Variants in NADK2 observed in about 807,000 individuals in gnomAD.
NADK2 encodes NAD kinase domain-containing protein 1, mitochondrial.
A neutral mutation model predicts 62.1 loss-of-function variants in NADK2; 35 were observed. The observed-to-expected ratio is 0.56, with a 90% confidence interval of 0.43 to 0.75. NADK2 has a LOEUF of 0.75. Among genes scored for constraint, NADK2 ranks in the 30% least tolerant of loss-of-function variants. The pLI is 0.00. For missense variants in NADK2, 439 were observed against 561.3 expected, an observed-to-expected ratio of 0.78 and a Z score of 2.20; for synonymous variants, 205 against 207.9, an observed-to-expected ratio of 0.99 and a Z score of 0.12.
chr5:36,215,960 T>A (rs1427601736), intron 6 of NADK2, among the ~76,000 whole-genome samples: 2 of 152,214 alleles, frequency 1.3e-5, no homozygotes, highest in Non-Finnish European at 2.9e-5. Flanking sequence ...TAGCCAGTAG[T>A]GGGATTGCTA....
chr5:36,237,245 A>C (rs1300278556), intron 1 of NADK2, among the ~76,000 whole-genome samples: 1 of 152,332 alleles, frequency 6.6e-6, no homozygotes, highest in Middle Eastern at 3.4e-3. Flanking sequence ...TAATAGCAGA[A>C]GATAAATTAG....
At chr5:36,206,529 C>T (rs1402184213) in intron 8 of NADK2, among the ~76,000 whole-genome samples, 1 of 151,732 alleles carries the variant, frequency 6.6e-6, no homozygotes, top group Non-Finnish European at 1.5e-5. Flanking sequence ...AAAAAAAATG[C>T]TTTTTTTCTC....
rs749987631 is a variant in NADK2, at chr5:36,211,901, T to C, written c.803A>G (p.Gln268Arg). The C allele has an allele frequency of 3.7e-6, 6 of 1,613,636 alleles. No individual in the cohort carries two copies. The highest frequency in any genetic ancestry group is 2.2e-5 in the South Asian group (2 of 91,050). Residue 268 changes from glutamine to arginine, a missense_variant, in exon 7 of 12, where the codon CAA becomes CGA. Coordinates refer to ENST00000381937, the MANE Select transcript of NADK2 (RefSeq NM_001085411.3). ...HDERSEASGP[Q>R]LLPVRALNEV... is the part of the protein sequence containing the mutation. The stretch of plus-strand genomic sequence containing the variant: ...ATTTAGTGCTCTCACTGGCAGAAGT[T>C]GGGGTCCTGAAGCCTCAGACCCTGC...
chr5:36,196,009 C>A (rs1224082489), intron 11 of NADK2, among the ~76,000 whole-genome samples: 1 of 152,108 alleles, frequency 6.6e-6, no homozygotes, highest in Non-Finnish European at 1.5e-5. Flanking sequence ...TGTATGAAAT[C>A]ACTTCTGTTA....
Position 36,211,910 on chromosome 5 carries a change from G to A in NADK2, c.794C>T (p.Ser265Leu). Reference sequence around the variant, plus strand: ...TCTCACTGGCAGAAGTTGGGGTCCTGAAGCCTCAGACCCTGCATGTAATTT... The same window carrying A: ...TCTCACTGGCAGAAGTTGGGGTCCTAAAGCCTCAGACCCTGCATGTAATTT... ...ERAHDERSEASGPQLLPVRAL... is the reference protein window; with the variant it reads ...ERAHDERSEALGPQLLPVRAL... The change falls in exon 7 of 12, where the codon TCA becomes TTA. Residue 265 changes from serine (S) to leucine (L), a missense_variant. Ser to Leu is a moderately radical substitution (Grantham distance 145). Coordinates refer to ENST00000381937, the MANE Select transcript of NADK2 (RefSeq NM_001085411.3). 1 of 1,613,174 alleles carries A rather than the reference G, an allele frequency of 6.2e-7. No individual in the cohort carries two copies.
intron 11 of NADK2, among the ~76,000 whole-genome samples, chr5:36,195,515 G>C (rs548417730): frequency 6.6e-6 from 1 of 152,272 alleles, no homozygotes; most frequent in African/African-American, 2.4e-5. Flanking sequence ...AGACCTGACT[G>C]AACTCACAGG....
At chr5:36,195,307 A>G in intron 11 of NADK2, 25 bp from the exon 12 acceptor site, 1 of 1,583,540 alleles carries the variant, frequency 6.3e-7, no homozygotes, top group Non-Finnish European at 8.6e-7. Context: ...ATATCTCATT[A>G]AATAGTAATA....
In NADK2 at chr5:36,201,036, C is replaced by T; in HGVS notation, c.1012+70G>A. The T allele has an allele frequency of 3.8e-6, 5 of 1,326,438 alleles. No individual in the cohort carries two copies. In the Admixed American group the frequency reaches 7.1e-5, roughly 19 times the overall value. The allele number at this position is 1,326,438 out of a possible 1,614,324, so 82.2% of individuals were successfully genotyped here. A position where few individuals can be genotyped will look rare whatever the true frequency, so the allele number is the denominator to read the frequency against. ...TGGTAGTATCCAAGGTTTCAGCATTCACTGGGGGTTCTGGAACTTGTCCCC... is the reference window on the plus strand; with the variant it reads ...TGGTAGTATCCAAGGTTTCAGCATTTACTGGGGGTTCTGGAACTTGTCCCC... On this transcript the variant is annotated intron_variant, in intron 9 of 11. Coordinates refer to ENST00000381937, the MANE Select transcript of NADK2 (RefSeq NM_001085411.3).
chr5:36,229,647 G>A (rs1747631229), intron 1 of NADK2, among the ~76,000 whole-genome samples: 2 of 151,632 alleles, frequency 1.3e-5, no homozygotes, highest in Admixed American at 6.6e-5. Context: ...AGATCTATAT[G>A]CTGATGCTGA....
chr5:36,206,472 T>G (rs1250160950), intron 8 of NADK2, among the ~76,000 whole-genome samples: 1 of 151,318 alleles, frequency 6.6e-6, no homozygotes, highest in Admixed American at 6.6e-5. Flanking sequence ...GTACAATTAA[T>G]AGGATTTAGA....
intron 1 of NADK2, among the ~76,000 whole-genome samples, chr5:36,231,190 G>A (rs1362504060): frequency 1.3e-5 from 2 of 152,174 alleles, no homozygotes; most frequent in African/African-American, 4.8e-5. Context: ...GATACATGGC[G>A]TTGACTGTTA....
Position 36,193,756 on chromosome 5 carries a change from C to T in NADK2, c.*1388G>A, listed in dbSNP as rs925370294. 2 of 152,504 alleles carry T rather than the reference C, an allele frequency of 1.3e-5. No homozygotes were observed. Among genetic ancestry groups the T allele is most frequent in the African/African-American group, 4.8e-5 (2 of 41,418 alleles). The allele number at this position is 152,504 out of a possible 1,614,324, so 9.4% of individuals were successfully genotyped here. A position where few individuals can be genotyped will look rare whatever the true frequency, so the allele number is the denominator to read the frequency against. On this transcript the variant is annotated 3_prime_UTR_variant, in exon 12 of 12. Coordinates refer to ENST00000381937, the MANE Select transcript of NADK2 (RefSeq NM_001085411.3). ...ATTTATTTTAAAAAATTGATAAGAA[C>T]AACATGTTAAATATTGGCAAAACTA...
Position 36,227,532 on chromosome 5 carries a change from G to T in NADK2, c.334C>A (p.Leu112Ile). ...ALKGSSYSGL[L>I]ERHHIHTKNV... ...TTGGTGTGAATATGATGTCGTTCAA[G>T]AAGTCCACTGTAACTAGAGCCTTTC... Residue 112 changes from leucine to isoleucine, a missense_variant, in exon 2 of 12, where the codon CTT becomes ATT. Transcript: ENST00000381937. The T allele has an allele frequency of 6.4e-7, 1 of 1,558,084 alleles. No homozygotes were observed.
intron 1 of NADK2, among the ~76,000 whole-genome samples, chr5:36,235,417 T>C (rs941925561): frequency 6.6e-5 from 10 of 152,200 alleles, no homozygotes; most frequent in African/African-American, 1.7e-4. Flanking sequence ...ATTATGTAAA[T>C]TGTAAATTAT....
intron 7 of NADK2, 126 bp downstream of exon 7, chr5:36,211,718 A>C: frequency 2.7e-6 from 2 of 736,304 alleles, no homozygotes; most frequent in Admixed American, 4.9e-5. Context: ...TATTTCATTA[A>C]ATAATGAACT....
At chr5:36,201,043 G>A (rs765252311) in intron 9 of NADK2, 63 bp downstream of exon 9, 296 of 1,385,706 alleles carry the variant, frequency 2.1e-4, no homozygotes, top group Middle Eastern at 3.6e-4. Flanking sequence ...ATTCACTGGG[G>A]GTTCTGGAAC....
chr5:36,204,216 T>G (rs1746552707), intron 8 of NADK2, among the ~76,000 whole-genome samples: 1 of 152,158 alleles, frequency 6.6e-6, no homozygotes, highest in African/African-American at 2.4e-5. Flanking sequence ...TGTATTACAA[T>G]GCATAAAAAA....
intron 3 of NADK2, 105 bp from the exon 4 acceptor site, chr5:36,225,728 G>C: frequency 1.2e-6 from 1 of 869,064 alleles, no homozygotes. Flanking sequence ...ACCCCACCCT[G>C]CTAACCGCTA....
Position 36,193,759 on chromosome 5 carries a change from C to T in NADK2, c.*1385G>A, listed in dbSNP as rs1411952991. On this transcript the variant is annotated 3_prime_UTR_variant, in exon 12 of 12. Transcript: ENST00000381937. ...TATTTTAAAAAATTGATAAGAACAA[C>T]ATGTTAAATATTGGCAAAACTAAGA... The T allele has an allele frequency of 6.6e-6, 1 of 152,560 alleles. No homozygotes were observed. The highest frequency in any genetic ancestry group is 1.5e-5 in the Non-Finnish European group (1 of 68,028). The allele number at this position is 152,560 out of a possible 1,614,324, so 9.5% of individuals were successfully genotyped here.
Sources: allele counts gnomAD v4.1 joint callset (sites outside exome capture counted in the v4.1 genomes callset), GRCh38; gene constraint gnomAD v4.1.1; transcripts MANE v1.5; gene names NCBI Gene and HGNC (gene_info 2026-07-23, HGNC 2026-07-21).